VWA8: variants seen among roughly 807,000 people sequenced by gnomAD.
The protein encoded by VWA8 is von Willebrand factor A domain containing 8, also known as von Willebrand factor A domain-containing protein 8.
Under a neutral mutation model 241.5 loss-of-function variants are expected in VWA8, and 221 were observed. The observed-to-expected ratio is 0.91, with a 90% CI of 0.82 to 1.02. VWA8 has a LOEUF of 1.02. Ranked by LOEUF, VWA8 falls within the 50% of genes least tolerant of loss-of-function variation. The pLI, the probability that VWA8 is intolerant of heterozygous loss-of-function variation, is 0.00. For missense variants in VWA8, 2,322 were observed against 2,328.7 expected, an observed-to-expected ratio of 1.00 and a Z score of 0.06; for synonymous variants, 852 against 827.1, an observed-to-expected ratio of 1.03 and a Z score of -0.52.
At chr13:41,893,138 A>AT (rs1485657529) in intron 4 of VWA8, among the ~76,000 whole-genome samples, 2 of 152,156 alleles carry the variant, frequency 1.3e-5, no homozygotes, top group East Asian at 1.9e-4. Flanking sequence ...ACATATCTCT[A>AT]TTTTTTTAAG....
intron 17 of VWA8, among the ~76,000 whole-genome samples, chr13:41,805,391 C>A (rs1224008967): frequency 6.6e-6 from 1 of 152,112 alleles, no homozygotes; most frequent in African/African-American, 2.4e-5. Flanking sequence ...TATATATGCA[C>A]CCAATACTAG....
intron 27 of VWA8, among the ~76,000 whole-genome samples, chr13:41,702,282 C>G (rs1035620306): frequency 3.3e-5 from 5 of 152,160 alleles, no homozygotes; most frequent in African/African-American, 1.2e-4. Flanking sequence ...CGCCCACCAC[C>G]CCTCTTCTAT....
At position 41,714,844 on chromosome 13, in the gene VWA8, T is replaced by C. The variant is rs911631452; in HGVS notation, c.3116+4747A>G. ...TTGAAGAATAAGAATTTGTATATTG[T>C]ATGTACATGACATCACGGTCAATGA... is the stretch of plus-strand genomic sequence containing the variant. On this transcript the variant is annotated intron_variant, in intron 26 of 44. Transcript: ENST00000379310. Among the ~76,000 whole-genome samples the C allele has an allele frequency of 1.2e-4, 18 of 151,938 alleles. 1 individual carries two copies. The highest frequency in any genetic ancestry group is 1.6e-4 in the Non-Finnish European group (11 of 67,848).
rs562874416 is a variant in VWA8 at position 41,667,052 on chromosome 13, T to C, written c.4611+3894A>G. On this transcript the variant is annotated intron_variant, in intron 37 of 44. Coordinates refer to ENST00000379310, the MANE Select transcript of VWA8 (RefSeq NM_015058.2). Reference sequence around the variant, plus strand: ...AAGAATGATGTATAAGAGTAAACTATGCTCCTTAAAAAGAACAAAGAATTT... The same window carrying C: ...AAGAATGATGTATAAGAGTAAACTACGCTCCTTAAAAAGAACAAAGAATTT... Among the ~76,000 whole-genome samples the C allele has an allele frequency of 9.8e-5, 15 of 152,340 alleles. No individual in the cohort carries two copies. In the South Asian group the frequency reaches 3.1e-3, roughly 32 times the overall value.
chr13:41,585,082 T>TA (rs60095224), intron 42 of VWA8, among the ~76,000 whole-genome samples: 30,895 of 145,352 alleles, frequency 0.21, 3,240 homozygotes, highest in South Asian at 0.32. Context: ...TAACTGTCAA[T>TA]AAAAAAAAAA....
Position 41,568,269 on chromosome 13 carries a change from A to C in VWA8, c.5646T>G (p.Val1882=). 1 of 1,614,188 alleles carries C rather than the reference A, an allele frequency of 6.2e-7. No homozygotes were observed. Among genetic ancestry groups the C allele is most frequent in the Non-Finnish European group, 8.5e-7 (1 of 1,180,024 alleles). Residue 1882 remains valine (V), a synonymous_variant, in exon 45 of 45, where the codon GTT becomes GTG. Transcript: ENST00000379310. ...QRTLPAGRSF[V]AMDTKDIPQI... is the part of the protein sequence containing the mutation. Reference sequence around the variant, plus strand: ...GAGGGATATCCTTGGTATCCATGGCAACGAAAGACCGACCAGCTGGTAAAG... The same window carrying C: ...GAGGGATATCCTTGGTATCCATGGCCACGAAAGACCGACCAGCTGGTAAAG...
intron 2 of VWA8, among the ~76,000 whole-genome samples, chr13:41,927,784 T>A (rs771570562): frequency 5.3e-5 from 8 of 152,010 alleles, no homozygotes; most frequent in Non-Finnish European, 1.0e-4. Context: ...TGAATGTAAA[T>A]AAATTATCTA....
chr13:41,626,083 G>A (rs185321065), intron 37 of VWA8, among the ~76,000 whole-genome samples: 2,639 of 117,458 alleles, frequency 0.022, 103 homozygotes, highest in African/African-American at 0.082. Context: ...GGACTGTTGT[G>A]GGGTGGGGGG....
chr13:41,784,406 T>C lies in VWA8; in HGVS notation c.2171-505A>G, dbSNP rs9562350. On this transcript the variant is annotated intron_variant, in intron 18 of 44. Coordinates refer to ENST00000379310, the MANE Select transcript of VWA8 (RefSeq NM_015058.2). ...TCAGCCAAGTGCAGTGGCACATGCC[T>C]GTCACCAGCATTTCAGGAGGCCAAG... 8.4e-4 allele frequency among the ~76,000 whole-genome samples: 128 copies of C among 152,162 alleles called. 1 individual carries two copies. The East Asian group carries it at 0.024, about 29-fold the overall frequency.
At chr13:41,568,760 G>C (rs1215376673) in intron 44 of VWA8, among the ~76,000 whole-genome samples, 1 of 152,100 alleles carries the variant, frequency 6.6e-6, no homozygotes, top group African/African-American at 2.4e-5. Flanking sequence ...AACCCTGAGT[G>C]GTTCTTTCTC....
intron 35 of VWA8, among the ~76,000 whole-genome samples, chr13:41,676,501 CAT>C (rs2045061135): frequency 6.6e-6 from 1 of 152,140 alleles, no homozygotes; most frequent in Non-Finnish European, 1.5e-5. Context: ...GAATATGGCT[CAT>C]GTGTTCATAA....
chr13:41,784,197 CTTGT>C (rs2137937601), intron 18 of VWA8, among the ~76,000 whole-genome samples: 1 of 151,584 alleles, frequency 6.6e-6, no homozygotes, highest in African/African-American at 2.4e-5. Context: ...CCTTCACAAG[CTTGT>C]TTGGTCAGAA....
intron 2 of VWA8, among the ~76,000 whole-genome samples, chr13:41,949,307 G>A (rs1448936303): frequency 6.6e-6 from 1 of 152,112 alleles, no homozygotes; most frequent in East Asian, 1.9e-4. Flanking sequence ...AAAAAATGAT[G>A]AGTTCATGTC....
intron 20 of VWA8, among the ~76,000 whole-genome samples, chr13:41,774,627 C>G (rs1868505948): frequency 6.6e-6 from 1 of 152,116 alleles, no homozygotes; most frequent in Admixed American, 6.5e-5. Flanking sequence ...TGTAAGTGAC[C>G]TATCACACTT....
At chr13:41,611,794 G>T in intron 38 of VWA8, 62 bp from the exon 39 acceptor site, 3 of 1,597,842 alleles carry the variant, frequency 1.9e-6, no homozygotes, top group South Asian at 1.1e-5. Context: ...ACAAAAGTTG[G>T]GTCATGGTTT....
chr13:41,620,881 C>T (rs2044653012), intron 37 of VWA8, among the ~76,000 whole-genome samples: 1 of 152,134 alleles, frequency 6.6e-6, no homozygotes, highest in African/African-American at 2.4e-5. Flanking sequence ...TTCTCCGGAC[C>T]TTCATTTTCA....
At chr13:41,743,453 C>A (rs2045582987) in intron 21 of VWA8, among the ~76,000 whole-genome samples, 1 of 152,148 alleles carries the variant, frequency 6.6e-6, no homozygotes, top group Non-Finnish European at 1.5e-5. Context: ...TTCTTACAAC[C>A]CTCTAATTGC....
chr13:41,715,584 T>C (rs1566425917), intron 26 of VWA8, among the ~76,000 whole-genome samples: 1 of 152,002 alleles, frequency 6.6e-6, no homozygotes. Context: ...GACATAAAAG[T>C]TCACTTGAGG....
At position 41,697,680 on chromosome 13, in the gene VWA8, C is replaced by G. The variant is rs189696183; in HGVS notation, c.3564+1391G>C. Among the ~76,000 whole-genome samples, 6 of 152,320 alleles carry G rather than the reference C, an allele frequency of 3.9e-5. No homozygotes were observed. The East Asian group carries it at 1.2e-3, about 29-fold the overall frequency. On this transcript the variant is annotated intron_variant, in intron 29 of 44. Transcript: ENST00000379310. ...ATGAAAATGTAATGCTGTGGCTGAT[C>G]TGACAGGAGGTGGAGCTCAGGCAGC...
Sources: gnomAD v4.1 joint callset for allele counts (sites outside exome capture counted in the v4.1 genomes callset) on GRCh38, gnomAD v4.1.1 for gene constraint, MANE v1.5 for transcripts, NCBI Gene and HGNC (gene_info 2026-07-23, HGNC 2026-07-21) for gene names.